The following CNTN5 variants were observed in gnomAD, a reference collection of about 807,000 sequenced individuals.
CNTN5 encodes contactin-5.
Under a neutral mutation model 129.1 loss-of-function variants are expected in CNTN5, and 77 were observed. That is an observed-to-expected ratio of 0.60 (90% confidence interval 0.50 to 0.72). CNTN5 has a LOEUF of 0.72. CNTN5 is among the 30% of genes least tolerant of loss of function. The pLI is 0.00. For missense variants in CNTN5, 1,478 were observed against 1,328.8 expected (o/e 1.11, Z -1.75); for synonymous variants, 509 against 465.6 (o/e 1.09, Z -1.20).
At chr11:99,308,215 C>G (rs534315234) in intron 1 of CNTN5, among the ~76,000 whole-genome samples, 1 of 152,254 alleles carries the variant, frequency 6.6e-6, no homozygotes, top group South Asian at 2.1e-4. Context: ...GATACATTTC[C>G]TTTATTCTTC....
chr11:99,885,552 G>A (rs760725043), intron 6 of CNTN5, among the ~76,000 whole-genome samples: 10 of 151,994 alleles, frequency 6.6e-5, no homozygotes, highest in Non-Finnish European at 1.5e-4. Context: ...ATACCCTCAA[G>A]GAAGGATTAA....
chr11:100,135,454 C>A (rs964055731), intron 13 of CNTN5, among the ~76,000 whole-genome samples: 4 of 152,198 alleles, frequency 2.6e-5, no homozygotes. Context: ...GGATTACAGG[C>A]ATGAGCCACT....
At chr11:100,356,031 A>G in intron 24 of CNTN5, 86 bp from the exon 25 acceptor site, 1 of 817,902 alleles carries the variant, frequency 1.2e-6, no homozygotes, top group South Asian at 1.5e-5. Flanking sequence ...TCTTGCACTC[A>G]TTAGTCTTAC....
intron 21 of CNTN5, among the ~76,000 whole-genome samples, chr11:100,314,753 G>C (rs557873325): frequency 6.6e-6 from 1 of 152,168 alleles, no homozygotes; most frequent in East Asian, 1.9e-4. Flanking sequence ...TCTCCCTCCT[G>C]CAAGTTGCTA....
chr11:100,090,471 T>TC (rs1944716667), intron 13 of CNTN5, among the ~76,000 whole-genome samples: 6 of 111,156 alleles, frequency 5.4e-5, no homozygotes, highest in African/African-American at 1.5e-4. Context: ...TTCTTTCTTT[T>TC]TCTCTCTTTC....
chr11:99,056,608 G>A (rs1864634094), intron 1 of CNTN5, among the ~76,000 whole-genome samples: 1 of 152,004 alleles, frequency 6.6e-6, no homozygotes, highest in African/African-American at 2.4e-5. Flanking sequence ...CCAATATGAT[G>A]TTCTAGGTCC....
At chr11:99,624,716 C>T (rs1012004302) in intron 3 of CNTN5, among the ~76,000 whole-genome samples, 2 of 152,146 alleles carry the variant, frequency 1.3e-5, no homozygotes, top group African/African-American at 4.8e-5. Flanking sequence ...CTGCCACAGG[C>T]AGCACGGTTA....
intron 18 of CNTN5, among the ~76,000 whole-genome samples, chr11:100,275,755 T>C (rs1033976038): frequency 6.6e-6 from 1 of 152,210 alleles, no homozygotes; most frequent in Non-Finnish European, 1.5e-5. Context: ...AGAAGTAGCA[T>C]GAAAAATGCA....
intron 2 of CNTN5, among the ~76,000 whole-genome samples, chr11:99,457,340 G>C (rs997820655): frequency 6.6e-5 from 10 of 151,820 alleles, no homozygotes; most frequent in Non-Finnish European, 1.0e-4. Flanking sequence ...GACAGAAATA[G>C]ATATTATATT....
rs549184888 is a variant in CNTN5, at chr11:100,204,343, T to A, written c.1884+10680T>A. 1.3e-3 allele frequency among the ~76,000 whole-genome samples: 146 copies of A among 111,412 alleles called. 2 individuals are homozygous for A. Among genetic ancestry groups the A allele is most frequent in the African/African-American group, 4.8e-3 (128 of 26,502 alleles). The allele number at this position is 111,412 out of a possible 152,430, so 73.1% of individuals were successfully genotyped here. On this transcript the variant is annotated intron_variant, in intron 15 of 24. Transcript: ENST00000524871. Reference sequence around the variant, plus strand: ...ATATATATATATATATATATATATATAATTATAGGCAGACAGATAGATATA... The same window carrying A: ...ATATATATATATATATATATATATAAAATTATAGGCAGACAGATAGATATA...
At chr11:100,258,754 T>C (rs1950131703) in intron 17 of CNTN5, among the ~76,000 whole-genome samples, 1 of 152,146 alleles carries the variant, frequency 6.6e-6, no homozygotes, top group Admixed American at 6.5e-5. Flanking sequence ...CTGAGAGATG[T>C]TGTCACCACC....
At chr11:99,968,656 C>CTCTTTTTTTTTTTTTTTTTTTTTTT (rs1951161575) in intron 8 of CNTN5, among the ~76,000 whole-genome samples, 2 of 73,872 alleles carry the variant, frequency 2.7e-5, no homozygotes, top group African/African-American at 9.7e-5. Context: ...GCTTTGGGTA[C>CTCTTTTTTTTTTTTTTTTTTTTTTT]TTTTTTTTTT....
At chr11:100,190,478 C>T (rs919369708) in intron 13 of CNTN5, among the ~76,000 whole-genome samples, 4 of 152,006 alleles carry the variant, frequency 2.6e-5, no homozygotes, top group African/African-American at 4.8e-5. Flanking sequence ...TTTTTAACAA[C>T]GCTTTAATTT....
intron 1 of CNTN5, among the ~76,000 whole-genome samples, chr11:99,132,708 G>A (rs7941129): frequency 0.73 from 111,319 of 151,970 alleles, 41,070 homozygotes; most frequent in Middle Eastern, 0.76. Flanking sequence ...GGAAATGAAG[G>A]ACCTCTTCAA....
intron 1 of CNTN5, among the ~76,000 whole-genome samples, chr11:99,035,264 G>A (rs1320398166): frequency 6.7e-6 from 1 of 149,278 alleles, no homozygotes; most frequent in Non-Finnish European, 1.5e-5. Flanking sequence ...GGGGTGGAGA[G>A]TTCTGTAGAT....
intron 2 of CNTN5, among the ~76,000 whole-genome samples, chr11:99,521,256 T>C (rs1018885171): frequency 2.6e-5 from 4 of 152,134 alleles, no homozygotes; most frequent in African/African-American, 9.7e-5. Context: ...ACATCAATCC[T>C]TCAAGCCTGC....
intron 16 of CNTN5, among the ~76,000 whole-genome samples, chr11:100,252,921 C>T (rs929179821): frequency 3.3e-5 from 5 of 152,152 alleles, no homozygotes; most frequent in Non-Finnish European, 7.4e-5. Context: ...TCAAAATTCA[C>T]ACACAGTCAT....
At chr11:99,076,189 G>A (rs1865560733) in intron 1 of CNTN5, among the ~76,000 whole-genome samples, 2 of 152,002 alleles carry the variant, frequency 1.3e-5, no homozygotes, top group Admixed American at 6.6e-5. Context: ...AAGAAAATTA[G>A]CCTGTCATGG....
chr11:99,821,296 G>C (rs1350210160), intron 4 of CNTN5, among the ~76,000 whole-genome samples: 1 of 152,136 alleles, frequency 6.6e-6, no homozygotes, highest in Non-Finnish European at 1.5e-5. Context: ...CCATGAAAAT[G>C]ATGAGAACAA....
Sources: gnomAD v4.1 joint callset for allele counts (sites outside exome capture counted in the v4.1 genomes callset) on GRCh38, gnomAD v4.1.1 for gene constraint, MANE v1.5 for transcripts, NCBI Gene and HGNC (gene_info 2026-07-23, HGNC 2026-07-21) for gene names.